Variants in HEMK2 observed in about 807,000 individuals in gnomAD.
HEMK2 encodes the protein HemK methyltransferase 2, ETF1 glutamine and histone H4 lysine.
At chr21:28,723,186 A>T in the HEMK2 span, among the ~76,000 whole-genome samples, 294 of 147,490 alleles carry the variant, frequency 2.0e-3, 1 homozygote, top group African/African-American at 6.8e-3. Context: ...ATTTTTTTTT[A>T]TTTTTATTTT....
At chr21:28,826,220 A>G in the HEMK2 span, among the ~76,000 whole-genome samples, 1 of 152,200 alleles carries the variant, frequency 6.6e-6, no homozygotes, top group Non-Finnish European at 1.5e-5. Context: ...ACACACACTT[A>G]AGATCTCATT....
At chr21:28,790,024 C>T in the HEMK2 span, among the ~76,000 whole-genome samples, 4 of 152,162 alleles carry the variant, frequency 2.6e-5, no homozygotes, top group Non-Finnish European at 5.9e-5. Context: ...ACTTAGTTAA[C>T]TAACTACATT....
the HEMK2 span, among the ~76,000 whole-genome samples, chr21:28,649,252 G>A: frequency 6.6e-6 from 1 of 152,192 alleles, no homozygotes; most frequent in African/African-American, 2.4e-5. Context: ...TAAATTAAAA[G>A]AGGAAGCTCA....
chr21:28,656,540 C>A, the HEMK2 span, among the ~76,000 whole-genome samples: 2 of 151,990 alleles, frequency 1.3e-5, no homozygotes, highest in Non-Finnish European at 2.9e-5. Flanking sequence ...AAACAACCAA[C>A]CTAGCACAGT....
At chr21:28,770,671 G>GCTCT in the HEMK2 span, among the ~76,000 whole-genome samples, 1,129 of 149,532 alleles carry the variant, frequency 7.6e-3, 45 homozygotes, top group Admixed American at 0.062. Flanking sequence ...AGCAAGTTCA[G>GCTCT]CTCTCTCTCT....
chr21:28,637,256 G>A, the HEMK2 span, among the ~76,000 whole-genome samples: 7 of 152,132 alleles, frequency 4.6e-5, no homozygotes, highest in South Asian at 1.2e-3. Flanking sequence ...TTAGGGTGGT[G>A]ATTCTGAGAT....
the HEMK2 span, among the ~76,000 whole-genome samples, chr21:28,718,144 A>C: frequency 1.3e-5 from 2 of 152,120 alleles, no homozygotes; most frequent in Non-Finnish European, 2.9e-5. Context: ...TATTTCAAAA[A>C]TTGTTTTGAT....
At chr21:28,630,600 T>TA in the HEMK2 span, among the ~76,000 whole-genome samples, 1 of 151,490 alleles carries the variant, frequency 6.6e-6, no homozygotes, top group Non-Finnish European at 1.5e-5. Flanking sequence ...TATGCAGCCA[T>TA]AAAAAATGAT....
At chr21:28,677,284 G>A in the HEMK2 span, among the ~76,000 whole-genome samples, 3 of 151,976 alleles carry the variant, frequency 2.0e-5, no homozygotes, top group East Asian at 1.9e-4. Flanking sequence ...CTACACCCAC[G>A]GAGCCTTGCT....
chr21:28,746,431 G>A, the HEMK2 span, among the ~76,000 whole-genome samples: 11 of 152,240 alleles, frequency 7.2e-5, no homozygotes, highest in African/African-American at 2.6e-4. Context: ...AAATATCACC[G>A]AGCACTGAGA....
chr21:28,717,785 G>T, the HEMK2 span, among the ~76,000 whole-genome samples: 1 of 151,886 alleles, frequency 6.6e-6, no homozygotes, highest in Non-Finnish European at 1.5e-5. Flanking sequence ...TGGCCATCTA[G>T]TCATTTCTGA....
At chr21:28,790,681 T>C in the HEMK2 span, among the ~76,000 whole-genome samples, 9 of 152,002 alleles carry the variant, frequency 5.9e-5, no homozygotes, top group Non-Finnish European at 8.8e-5. Flanking sequence ...GAAAAAATAT[T>C]AATGAAGGAA....
At chr21:28,606,021 C>CAT in the HEMK2 span, among the ~76,000 whole-genome samples, 20 of 152,248 alleles carry the variant, frequency 1.3e-4, no homozygotes, top group African/African-American at 4.3e-4. Context: ...CACACACACA[C>CAT]ATACACTCAC....
the HEMK2 span, among the ~76,000 whole-genome samples, chr21:28,644,368 T>G: frequency 6.6e-6 from 1 of 152,118 alleles, no homozygotes; most frequent in Non-Finnish European, 1.5e-5. Context: ...CCTTGACATA[T>G]GGGGATTATG....
the HEMK2 span, among the ~76,000 whole-genome samples, chr21:28,747,048 G>GA: frequency 6.6e-6 from 1 of 152,254 alleles, no homozygotes; most frequent in African/African-American, 2.4e-5. Context: ...AGAGGCTCAA[G>GA]AGACACCACC....
chr21:28,847,196 C>T, the HEMK2 span, among the ~76,000 whole-genome samples: 1 of 152,170 alleles, frequency 6.6e-6, no homozygotes, highest in Admixed American at 6.5e-5. Context: ...GAGAAATCTT[C>T]AGACCGCTTT....
At chr21:28,759,274 G>T in the HEMK2 span, among the ~76,000 whole-genome samples, 1 of 152,164 alleles carries the variant, frequency 6.6e-6, no homozygotes, top group East Asian at 1.9e-4. Flanking sequence ...GGAGTCAAAG[G>T]AGCTCATTTT....
At chr21:28,873,227 T>G in the HEMK2 span, 1 of 152,192 alleles carries the variant, frequency 6.6e-6, no homozygotes, top group African/African-American at 2.4e-5. Flanking sequence ...AATACTATGA[T>G]GTAAAATTAA....
the HEMK2 span, among the ~76,000 whole-genome samples, chr21:28,864,697 C>T: frequency 2.0e-5 from 3 of 152,148 alleles, no homozygotes; most frequent in Non-Finnish European, 4.4e-5. Context: ...TTTACTCTCC[C>T]TCCACAAAGC....
Sources: gnomAD v4.1 joint callset for allele counts (sites outside exome capture counted in the v4.1 genomes callset) on GRCh38, gnomAD v4.1.1 for gene constraint, MANE v1.5 for transcripts, NCBI Gene and HGNC (gene_info 2026-07-23, HGNC 2026-07-21) for gene names.